Variants in GSAP observed in about 807,000 individuals in gnomAD.
GSAP encodes the protein gamma-secretase activating protein.
A neutral mutation model predicts 131.7 loss-of-function variants in GSAP; 118 were observed. The observed-to-expected ratio is 0.90, with a 90% confidence interval of 0.77 to 1.04. The LOEUF is 1.04. Among genes scored for constraint, GSAP ranks in the 50% least tolerant of loss-of-function variants. GSAP has a pLI of 0.00. For missense variants in GSAP, 1,019 were observed against 1,013.2 expected (o/e 1.01, Z -0.08); for synonymous variants, 381 against 363.4 (o/e 1.05, Z -0.55).
Position 77,376,861 on chromosome 7 carries a change from C to A in GSAP, c.728G>T (p.Ser243Ile). ...TTCTGGACTTACCATTAAGTTATAG[C>A]TCTCATCAGCATAAAACTGGATACA... Reference protein sequence around the residue: ...LKCIQFYADESYNLMFEVPLD... With the variant: ...LKCIQFYADEIYNLMFEVPLD... Residue 243 changes from serine to isoleucine, a missense_variant, in exon 10 of 31, where the codon AGC becomes ATC. Transcript: ENST00000257626. 1 of 1,464,208 alleles carries A rather than the reference C, an allele frequency of 6.8e-7. No individual in the cohort carries two copies. Among genetic ancestry groups the A allele is most frequent in the Non-Finnish European group, 9.4e-7 (1 of 1,063,416 alleles). 90.7% of individuals were successfully genotyped at this position (1,464,208 alleles called of 1,614,324 possible).
At chr7:77,331,996 T>C (rs1789238770) in intron 19 of GSAP, 1 of 152,066 alleles carries the variant, frequency 6.6e-6, no homozygotes, top group Non-Finnish European at 1.5e-5. Context: ...TAATCTGGGC[T>C]CAGGCACAGG....
chr7:77,387,473 T>C (rs1341148201), intron 5 of GSAP, 25 bp from the exon 6 acceptor site: 5 of 1,236,686 alleles, frequency 4.0e-6, no homozygotes, highest in Non-Finnish European at 6.0e-6. Flanking sequence ...AGGCTTTTAG[T>C]AACGAAGATT....
chr7:77,330,520 G>T, intron 19 of GSAP, 153 bp from the exon 20 acceptor site: 1 of 1,260,712 alleles, frequency 7.9e-7, no homozygotes, highest in Non-Finnish European at 1.0e-6. Flanking sequence ...AGACCCAATA[G>T]GGATTCTAAA....
At chr7:77,407,469 TTGA>T (rs1294775057) in intron 1 of GSAP, among the ~76,000 whole-genome samples, 8 of 152,224 alleles carry the variant, frequency 5.3e-5, no homozygotes. Context: ...ACATATTGGG[TTGA>T]TATTTATCAT....
intron 1 of GSAP, chr7:77,416,008 C>T: frequency 2.3e-6 from 1 of 442,320 alleles, no homozygotes; most frequent in Middle Eastern, 6.0e-4. Context: ...GGCGACCTGG[C>T]CCGGGCTCTG....
chr7:77,376,831 T>A lies in GSAP; in HGVS notation c.741+17A>T. 1 of 1,223,388 alleles carries A rather than the reference T, an allele frequency of 8.2e-7. No individual in the cohort carries two copies. Among genetic ancestry groups the A allele is most frequent in the Non-Finnish European group, 1.2e-6 (1 of 852,946 alleles). 75.8% of individuals were successfully genotyped at this position (1,223,388 alleles called of 1,614,324 possible). The stretch of plus-strand genomic sequence containing the variant: ...TATCATAAACTTTCCTGTAGTGTGA[T>A]CATTTTCTGGACTTACCATTAAGTT... On this transcript the variant is annotated intron_variant, in intron 10 of 30. Coordinates refer to ENST00000257626, the MANE Select transcript of GSAP (RefSeq NM_017439.4).
Position 77,366,033 on chromosome 7 carries a change from CAT to C in GSAP, c.872-3375_872-3374del, listed in dbSNP as rs970273486. Among the ~76,000 whole-genome samples, 12 of 151,302 alleles carry C rather than the reference CAT, an allele frequency of 7.9e-5. No homozygotes were observed. The South Asian group carries it at 1.2e-3, about 16-fold the overall frequency. The stretch of plus-strand genomic sequence containing the variant: ...GAGTTTTTCACATGCTTGCTGGCCA[CAT>C]GTCTTCTTTTGTAAAGTATCTGTTC... On this transcript the variant is annotated intron_variant, in intron 12 of 30. Transcript: ENST00000257626.
intron 12 of GSAP, among the ~76,000 whole-genome samples, chr7:77,364,840 C>A (rs988795047): frequency 6.6e-6 from 1 of 152,178 alleles, no homozygotes; most frequent in South Asian, 2.1e-4. Flanking sequence ...TGTACACAGG[C>A]TCTGTGAAGC....
intron 26 of GSAP, chr7:77,314,702 A>C: frequency 2.1e-6 from 1 of 476,056 alleles, no homozygotes; most frequent in South Asian, 2.2e-5. Flanking sequence ...GTAAGTATAC[A>C]TTCCTTGCTC....
intron 18 of GSAP, among the ~76,000 whole-genome samples, chr7:77,349,967 A>G (rs996428354): frequency 2.0e-5 from 3 of 152,126 alleles, no homozygotes; most frequent in African/African-American, 7.2e-5. Context: ...AGACACATGC[A>G]CACGTATGTT....
intron 12 of GSAP, among the ~76,000 whole-genome samples, chr7:77,365,019 G>A (rs969313884): frequency 3.3e-5 from 5 of 152,174 alleles, no homozygotes; most frequent in Admixed American, 2.0e-4. Flanking sequence ...GGAGTGCAGT[G>A]GTGCAAACAT....
intron 5 of GSAP, among the ~76,000 whole-genome samples, chr7:77,395,469 A>G (rs1359933557): frequency 6.6e-6 from 1 of 152,166 alleles, no homozygotes; most frequent in Non-Finnish European, 1.5e-5. Flanking sequence ...TTCCAGTTCC[A>G]TCTCCTCTGA....
chr7:77,353,974 G>GA (rs1202560458), intron 16 of GSAP, among the ~76,000 whole-genome samples: 2 of 152,100 alleles, frequency 1.3e-5, no homozygotes, highest in Non-Finnish European at 2.9e-5. Flanking sequence ...AGGAAAAAAA[G>GA]AAAAACAAAA....
intron 26 of GSAP, among the ~76,000 whole-genome samples, chr7:77,316,879 A>G (rs1795018771): frequency 6.6e-6 from 1 of 152,296 alleles, no homozygotes; most frequent in African/African-American, 2.4e-5. Flanking sequence ...AGTGCAATAC[A>G]GTTCCTTTTT....
chr7:77,331,719 C>A (rs1789181697), intron 19 of GSAP: 1 of 152,086 alleles, frequency 6.6e-6, no homozygotes, highest in Admixed American at 6.5e-5. Context: ...AGCCAACATC[C>A]CTTCTCCCAG....
rs1198307843 is a variant in GSAP at position 77,330,229 on chromosome 7, C to G, written c.1674+10G>C. On this transcript the variant is annotated intron_variant, in intron 20 of 30. Transcript: ENST00000257626. ...CGCTGCTGGCTTTGTTCTCACTGAC[C>G]CACTCATACCTCTTCAGAGATCAGG... 1 of 1,605,208 alleles carries G rather than the reference C, an allele frequency of 6.2e-7. No homozygotes were observed. Among genetic ancestry groups the G allele is most frequent in the Admixed American group, 1.7e-5 (1 of 58,748 alleles).
chr7:77,361,007 G>A, intron 13 of GSAP, 106 bp from the exon 14 acceptor site: 1 of 683,212 alleles, frequency 1.5e-6, no homozygotes, highest in Non-Finnish European at 2.7e-6. Flanking sequence ...CATGAAACTG[G>A]TAAGCAGGCA....
chr7:77,400,593 C>T (rs1051077570), intron 3 of GSAP, among the ~76,000 whole-genome samples: 4 of 152,192 alleles, frequency 2.6e-5, no homozygotes, highest in African/African-American at 9.7e-5. Flanking sequence ...ACCAACCCCG[C>T]TAATTCCCCA....
At chr7:77,322,096 A>G (rs1787721863) in intron 24 of GSAP, among the ~76,000 whole-genome samples, 1 of 152,222 alleles carries the variant, frequency 6.6e-6, no homozygotes, top group South Asian at 2.1e-4. Context: ...GAATCCACAC[A>G]TTGTGTGGGC....
Sources: gnomAD v4.1 joint callset for allele counts (sites outside exome capture counted in the v4.1 genomes callset) on GRCh38, gnomAD v4.1.1 for gene constraint, MANE v1.5 for transcripts, NCBI Gene and HGNC (gene_info 2026-07-23, HGNC 2026-07-21) for gene names.